The following ADAMTSL1 variants were observed in gnomAD, a reference collection of about 807,000 sequenced individuals.
ADAMTSL1 encodes ADAMTS like 1, also known as ADAMTS-like protein 1.
A neutral mutation model predicts 201.8 loss-of-function variants in ADAMTSL1; 126 were observed. The ratio of observed to expected loss-of-function variants is 0.62; its 90% CI spans 0.54 to 0.72. The LOEUF is 0.72. Ranked by LOEUF, ADAMTSL1 falls within the 30% of genes least tolerant of loss-of-function variation. The probability of loss-of-function intolerance (pLI) is 0.00; values close to 1 mark genes in which losing one functional copy is unlikely to be tolerated. For missense variants in ADAMTSL1, 2,679 were observed against 2,277.8 expected (o/e 1.18, Z -3.59); for synonymous variants, 1,121 against 903.4 (o/e 1.24, Z -4.32).
At position 18,283,859 on chromosome 9, in the gene ADAMTSL1, C is replaced by CTGAGAT. The variant is rs1285405915; in HGVS notation, c.207+119887_207+119892dup. ...CCCAGGAGGCGGAGCTTGCAGTGAG[C>CTGAGAT]TGAGATTGAGATTGTGCCACTGCAC... On this transcript the variant is annotated intron_variant, in intron 2 of 29. Coordinates refer to the ADAMTSL1 transcript ENST00000680146. 3.6e-5 allele frequency among the ~76,000 whole-genome samples: 5 copies of CTGAGAT among 139,920 alleles called. No homozygotes were observed. In the East Asian group the frequency reaches 1.0e-3, roughly 29 times the overall value. The allele number at this position is 139,920 out of a possible 152,430, so 91.8% of individuals were successfully genotyped here.
At chr9:18,407,551 G>C (rs953838099) in intron 2 of ADAMTSL1, among the ~76,000 whole-genome samples, 1 of 152,188 alleles carries the variant, frequency 6.6e-6, no homozygotes, top group Non-Finnish European at 1.5e-5. Context: ...GGAAGCCAGG[G>C]TAAAGCAATG....
At chr9:18,141,632 C>G (rs1826402154) in intron 1 of ADAMTSL1, among the ~76,000 whole-genome samples, 1 of 152,134 alleles carries the variant, frequency 6.6e-6, no homozygotes, top group Admixed American at 6.5e-5. Flanking sequence ...AGGTTGGTGG[C>G]CTGCTCTTTG....
chr9:18,813,843 A>G (rs1223218786), intron 20 of ADAMTSL1, among the ~76,000 whole-genome samples: 1 of 152,226 alleles, frequency 6.6e-6, no homozygotes, highest in Non-Finnish European at 1.5e-5. Flanking sequence ...GACTTGCAGT[A>G]CTATGTTGAA....
intron 1 of ADAMTSL1, among the ~76,000 whole-genome samples, chr9:18,095,416 C>CTTTTTTTTTT (rs35164794): frequency 3.9e-4 from 39 of 100,114 alleles, no homozygotes; most frequent in Non-Finnish European, 4.6e-4. Flanking sequence ...TTCTTTCTTT[C>CTTTTTTTTTT]TTTTTTTTTT....
At chr9:18,379,943 G>C (rs953916026) in intron 2 of ADAMTSL1, among the ~76,000 whole-genome samples, 1 of 152,068 alleles carries the variant, frequency 6.6e-6, no homozygotes, top group African/African-American at 2.4e-5. Flanking sequence ...CCCATTCCAC[G>C]GGCATAAAGA....
intron 1 of ADAMTSL1, among the ~76,000 whole-genome samples, chr9:18,154,763 C>A (rs1827076055): frequency 6.6e-6 from 1 of 151,976 alleles, no homozygotes; most frequent in Non-Finnish European, 1.5e-5. Context: ...TGAAGTACAT[C>A]AAGAATGACA....
chr9:18,906,920 C>T lies in ADAMTSL1; in HGVS notation c.5182+8C>T, dbSNP rs766182380. 2.5e-6 allele frequency: 4 copies of T among 1,613,788 alleles called. No individual in the cohort carries two copies. The Admixed American group carries it at 5.0e-5, about 20-fold the overall frequency. ...TCACCCCATGTGAAAACAGTATGTTCCAACCCCAAAGAACCTTCTGCAAAT... is the reference window on the plus strand; with the variant it reads ...TCACCCCATGTGAAAACAGTATGTTTCAACCCCAAAGAACCTTCTGCAAAT... On this transcript the variant is annotated splice_region_variant and intron_variant, in intron 28 of 28. Coordinates refer to ENST00000380548, the MANE Select transcript of ADAMTSL1 (RefSeq NM_001040272.6).
chr9:18,505,859 C>T (rs1823095587), intron 2 of ADAMTSL1, among the ~76,000 whole-genome samples: 1 of 152,132 alleles, frequency 6.6e-6, no homozygotes, highest in African/African-American at 2.4e-5. Context: ...AGAAAAATGT[C>T]AACTTACTTT....
intron 1 of ADAMTSL1, among the ~76,000 whole-genome samples, chr9:17,919,153 T>C (rs1184379994): frequency 6.6e-6 from 1 of 151,878 alleles, no homozygotes; most frequent in Admixed American, 6.6e-5. Context: ...CATCCTTTTG[T>C]TATCTTTTAT....
intron 2 of ADAMTSL1, among the ~76,000 whole-genome samples, chr9:18,528,283 G>A (rs1819221455): frequency 6.6e-6 from 1 of 152,022 alleles, no homozygotes; most frequent in Non-Finnish European, 1.5e-5. Flanking sequence ...TTGCTGCACA[G>A]ATCAACCCAT....
intron 1 of ADAMTSL1, among the ~76,000 whole-genome samples, chr9:18,052,247 C>G (rs1450521305): frequency 6.6e-6 from 1 of 152,206 alleles, no homozygotes. Flanking sequence ...AAAGCAGGCA[C>G]TAAACACATC....
intron 1 of ADAMTSL1, among the ~76,000 whole-genome samples, chr9:18,132,209 C>T (rs1825981924): frequency 6.6e-6 from 1 of 152,150 alleles, no homozygotes. Context: ...AGGCCTGAGT[C>T]CACATGGTTT....
intron 2 of ADAMTSL1, among the ~76,000 whole-genome samples, chr9:18,251,764 G>T (rs909454166): frequency 6.6e-6 from 1 of 152,260 alleles, no homozygotes; most frequent in East Asian, 1.9e-4. Context: ...GCTGGCACGG[G>T]CACAGAGAAA....
chr9:18,453,623 G>T (rs1444937850), intron 2 of ADAMTSL1, among the ~76,000 whole-genome samples: 2 of 151,946 alleles, frequency 1.3e-5, no homozygotes, highest in Non-Finnish European at 2.9e-5. Context: ...TAGCCACACA[G>T]CTCCCTCAAT....
chr9:17,991,650 C>T (rs902648229), intron 1 of ADAMTSL1, among the ~76,000 whole-genome samples: 4 of 152,116 alleles, frequency 2.6e-5, no homozygotes, highest in Non-Finnish European at 5.9e-5. Context: ...CTTTGTATAA[C>T]AATGTGAACC....
intron 3 of ADAMTSL1, among the ~76,000 whole-genome samples, chr9:18,570,194 A>AT (rs1564056939): frequency 6.6e-6 from 1 of 151,726 alleles, no homozygotes; most frequent in Non-Finnish European, 1.5e-5. Flanking sequence ...TGCCTGGAGA[A>AT]TGAAGGGCGA....
intron 1 of ADAMTSL1, among the ~76,000 whole-genome samples, chr9:18,003,240 G>A (rs1048363899): frequency 2.6e-5 from 4 of 151,902 alleles, no homozygotes; most frequent in Non-Finnish European, 5.9e-5. Context: ...TTTGACCTGC[G>A]TGTAGAGCTC....
chr9:18,334,200 T>C (rs1490587007), intron 2 of ADAMTSL1, among the ~76,000 whole-genome samples: 1 of 152,168 alleles, frequency 6.6e-6, no homozygotes, highest in Non-Finnish European at 1.5e-5. Context: ...TGTGCCTAAA[T>C]GGTCTGCCTT....
chr9:17,958,837 T>C (rs1023106861), intron 1 of ADAMTSL1, among the ~76,000 whole-genome samples: 4 of 152,142 alleles, frequency 2.6e-5, no homozygotes, highest in African/African-American at 9.7e-5. Flanking sequence ...TTAAATTCCA[T>C]GGGAAATGTG....
Sources: allele counts gnomAD v4.1 joint callset (sites outside exome capture counted in the v4.1 genomes callset), GRCh38; gene constraint gnomAD v4.1.1; transcripts MANE v1.5; gene names NCBI Gene and HGNC (gene_info 2026-07-23, HGNC 2026-07-21).